The following ATXN2 variants were observed in gnomAD, a reference collection of about 807,000 sequenced individuals.
The protein encoded by ATXN2 is ataxin 2.
In ATXN2, 37 loss-of-function variants were observed where a neutral mutation model predicts 138.6. The observed-to-expected ratio is 0.27, with a 90% CI of 0.21 to 0.35. The LOEUF (loss-of-function observed/expected upper bound fraction) is 0.35. Among genes scored for constraint, ATXN2 ranks in the 10% least tolerant of loss-of-function variants. ATXN2 has a pLI of 1.00. For synonymous variants in ATXN2, 549 were observed against 543.7 expected (o/e 1.01, Z -0.13); for missense variants, 1,216 against 1,480.3 (o/e 0.82, Z 2.93).
At chr12:111,475,487 C>CTTTT (rs538338911) in intron 18 of ATXN2, among the ~76,000 whole-genome samples, 1 of 118,648 alleles carries the variant, frequency 8.4e-6, no homozygotes, top group African/African-American at 3.1e-5. Context: ...TTTTCTGTTT[C>CTTTT]TTTTTTTTTT....
chr12:111,568,925 T>C (rs1883168251), intron 1 of ATXN2, among the ~76,000 whole-genome samples: 1 of 152,176 alleles, frequency 6.6e-6, no homozygotes, highest in South Asian at 2.1e-4. Flanking sequence ...CCCTAAAAAG[T>C]TGAGTCAAAT....
intron 1 of ATXN2, among the ~76,000 whole-genome samples, chr12:111,582,021 T>C (rs973436149): frequency 2.0e-5 from 3 of 151,816 alleles, no homozygotes; most frequent in Non-Finnish European, 2.9e-5. Flanking sequence ...ACATCTACTA[T>C]GTGCCAAGAA....
At chr12:111,503,606 C>CT (rs762044760) in intron 14 of ATXN2, among the ~76,000 whole-genome samples, 17 of 149,602 alleles carry the variant, frequency 1.1e-4, no homozygotes, top group African/African-American at 3.2e-4. Flanking sequence ...TTTCCACTCT[C>CT]TTTTTTTTTC....
intron 1 of ATXN2, among the ~76,000 whole-genome samples, chr12:111,564,121 A>G (rs1158398934): frequency 2.0e-5 from 3 of 152,216 alleles, no homozygotes; most frequent in Non-Finnish European, 2.9e-5. Context: ...CCAAAGGCAC[A>G]TTGTGTGGCC....
rs114135116 is a variant in ATXN2 at position 111,467,354 on chromosome 12, G to A, written c.2843-2639C>T. 3.5e-3 allele frequency among the ~76,000 whole-genome samples: 407 copies of A among 117,178 alleles called. 2 individuals carry two copies. Among genetic ancestry groups the A allele is most frequent in the Middle Eastern group, 0.029 (4 of 138 alleles). The allele number at this position is 117,178 out of a possible 152,430, so 76.9% of individuals were successfully genotyped here. A position where few individuals can be genotyped will look rare whatever the true frequency, so the allele number is the denominator to read the frequency against. On this transcript the variant is annotated intron_variant, in intron 20 of 24. Transcript: ENST00000673436. ...TTTTTTTTGGTAGAGATGGGATCTCGCCATCTTGCCTAGACTGGTCTTGAA... is the reference window on the plus strand; with the variant it reads ...TTTTTTTTGGTAGAGATGGGATCTCACCATCTTGCCTAGACTGGTCTTGAA...
chr12:111,593,254 C>CG (rs1238766219), intron 1 of ATXN2, among the ~76,000 whole-genome samples: 2 of 151,722 alleles, frequency 1.3e-5, no homozygotes, highest in African/African-American at 4.8e-5. Context: ...CCACCATGCC[C>CG]GGCTAATTTT....
Position 111,598,969 on chromosome 12 carries a change from C to CTGCTGTTGCTGCTGCTGCTGT in ATXN2, c.65_66insACAGCAGCAGCAGCAACAGCA (p.Gln22_Gln28dup). ...GCGGCGGCTGCTGCTGCTGCTGCTG[C>CTGCTGTTGCTGCTGCTGCTGT]TGCTGCTGTTGCTGCTGCTGCTGCT... On this transcript the variant is annotated inframe_insertion, in exon 1 of 25. Coordinates refer to ENST00000673436, the MANE Select transcript of ATXN2 (RefSeq NM_001372574.1). This position sits in a 1 kb window ranked among gnomAD's most constrained non-coding sequence, Gnocchi z 4.5. The CTGCTGTTGCTGCTGCTGCTGT allele has an allele frequency of 6.7e-7, 1 of 1,500,888 alleles. No individual in the cohort carries two copies. Among genetic ancestry groups the CTGCTGTTGCTGCTGCTGCTGT allele is most frequent in the Non-Finnish European group, 8.9e-7 (1 of 1,128,068 alleles). The allele number at this position is 1,500,888 out of a possible 1,614,324, so 93.0% of individuals were successfully genotyped here.
At position 111,480,705 on chromosome 12, in the gene ATXN2, CTT is replaced by C. The variant is rs1877168631; in HGVS notation, c.2524+4558_2524+4559del. On this transcript the variant is annotated intron_variant, in intron 18 of 24. Transcript: ENST00000673436. ...AAACAATTTAAGAGGAAAGAATAGTCTTTTCAACAAATGAGGTGGGGACAACG... is the reference window on the plus strand; with the variant it reads ...AAACAATTTAAGAGGAAAGAATAGTCTTCAACAAATGAGGTGGGGACAACG... Among the ~76,000 whole-genome samples, 4 of 152,226 alleles carry C rather than the reference CTT, an allele frequency of 2.6e-5. No homozygotes were observed. The South Asian group carries it at 8.3e-4, about 32-fold the overall frequency.
At chr12:111,463,004 A>ATG (rs1555229574) in intron 21 of ATXN2, among the ~76,000 whole-genome samples, 91 of 151,508 alleles carry the variant, frequency 6.0e-4, no homozygotes, top group African/African-American at 2.2e-3. Context: ...ACACACACAT[A>ATG]TATGTATGTA....
At chr12:111,542,239 T>TTTTG (rs2135771917) in intron 5 of ATXN2, among the ~76,000 whole-genome samples, 1 of 152,138 alleles carries the variant, frequency 6.6e-6, no homozygotes, top group South Asian at 2.1e-4. Context: ...CTATGCTTAT[T>TTTTG]TTTGTTTTTG....
At position 111,513,478 on chromosome 12, in the gene ATXN2, C is replaced by G. The variant is rs1459503473; in HGVS notation, c.1437G>C (p.Gly479=). ...RHPRNHRVSA[G]RGSISSGLEF... is the part of the protein sequence containing the mutation. The stretch of plus-strand genomic sequence containing the variant: ...CTAGGCCACTGGATATGGAACCCCT[C>G]CCAGCAGAAACTCTGTGATTTCGAG... Residue 479 remains glycine, a synonymous_variant, in exon 11 of 25, where the codon GGG becomes GGC. Coordinates refer to ENST00000673436, the MANE Select transcript of ATXN2 (RefSeq NM_001372574.1). 2 of 1,614,020 alleles carry G rather than the reference C, an allele frequency of 1.2e-6. No homozygotes were observed. The highest frequency in any genetic ancestry group is 1.7e-6 in the Non-Finnish European group (2 of 1,180,014).
chr12:111,523,330 T>C (rs1171503590), intron 6 of ATXN2, among the ~76,000 whole-genome samples: 2 of 152,178 alleles, frequency 1.3e-5, no homozygotes, highest in Non-Finnish European at 2.9e-5. Context: ...CACCATTCTT[T>C]TTGGGAGATA....
chr12:111,502,656 C>T lies in ATXN2; in HGVS notation c.1935+6893G>A, dbSNP rs981455270. Among the ~76,000 whole-genome samples the T allele has an allele frequency of 3.9e-5, 6 of 152,210 alleles. No homozygotes were observed. The South Asian group carries it at 6.2e-4, about 16-fold the overall frequency. ...ATGTCGGCCAGGCTGGTCTGGAACTCCTGACCTCAGCTGATCCATCCACCT... is the reference window on the plus strand; with the variant it reads ...ATGTCGGCCAGGCTGGTCTGGAACTTCTGACCTCAGCTGATCCATCCACCT... On this transcript the variant is annotated intron_variant, in intron 14 of 24. Transcript: ENST00000673436.
At chr12:111,574,528 AG>A (rs1883527517) in intron 1 of ATXN2, among the ~76,000 whole-genome samples, 1 of 151,848 alleles carries the variant, frequency 6.6e-6, no homozygotes, top group African/African-American at 2.4e-5. Context: ...CCTGGGTTTA[AG>A]TGACCCTCCT....
chr12:111,467,728 C>T (rs1876123692), intron 20 of ATXN2, among the ~76,000 whole-genome samples: 3 of 152,312 alleles, frequency 2.0e-5, no homozygotes, highest in African/African-American at 4.8e-5. Flanking sequence ...TTTGCCCACA[C>T]ATAAATGGAC....
Position 111,525,217 on chromosome 12 carries a change from T to C in ATXN2, c.671A>G (p.Glu224Gly). ...WDAGELTANEELEALENDVSN... is the reference protein window; with the variant it reads ...WDAGELTANEGLEALENDVSN... ...TACGTCATTTTCCAAAGCCTCAAGT[T>C]CCTCATTGGCTGTGAGTTCACCTGC... Residue 224 changes from glutamate to glycine, a missense_variant, in exon 6 of 25, where the codon GAA (glutamate) becomes GGA (glycine). By Grantham distance (98) the Glu-to-Gly change is moderately conservative. Around this residue, in one of 4 missense-constraint regions of ATXN2, gnomAD observed 401 missense variants for 528.1 expected, o/e 0.76. Transcript: ENST00000673436. 1 of 1,613,352 alleles carries C rather than the reference T, an allele frequency of 6.2e-7. No individual in the cohort carries two copies. Among genetic ancestry groups the C allele is most frequent in the Non-Finnish European group, 8.5e-7 (1 of 1,179,866 alleles).
At chr12:111,459,439 T>C (rs1444192125) in intron 21 of ATXN2, among the ~76,000 whole-genome samples, 1 of 152,202 alleles carries the variant, frequency 6.6e-6, no homozygotes, top group East Asian at 1.9e-4. Context: ...ATTTTAAAAA[T>C]GTATTTATTT....
chr12:111,585,822 A>C lies in ATXN2; in HGVS notation c.251+12962T>G, dbSNP rs891176869. On this transcript the variant is annotated intron_variant, in intron 1 of 24. Coordinates refer to ENST00000673436, the MANE Select transcript of ATXN2 (RefSeq NM_001372574.1). ...ATCTCAAAAAAAAAAAAAAAAAAAA[A>C]AAAAAAAACCTCCCAGAATGGTATA... Among the ~76,000 whole-genome samples, 100 of 143,422 alleles carry C rather than the reference A, an allele frequency of 7.0e-4. 2 individuals carry two copies. Among genetic ancestry groups the C allele is most frequent in the Non-Finnish European group, 3.0e-5 (2 of 67,706 alleles). 94.1% of individuals were successfully genotyped at this position (143,422 alleles called of 152,430 possible). A position where few individuals can be genotyped will look rare whatever the true frequency, so the allele number is the denominator to read the frequency against.
At chr12:111,591,468 G>A (rs1034094972) in intron 1 of ATXN2, among the ~76,000 whole-genome samples, 1 of 152,022 alleles carries the variant, frequency 6.6e-6, no homozygotes, top group South Asian at 2.1e-4. Context: ...CCAGGAGTTT[G>A]AGACCAATCT....
Sources: allele counts gnomAD v4.1 joint callset (sites outside exome capture counted in the v4.1 genomes callset), GRCh38; gene constraint gnomAD v4.1.1; regional missense constraint gnomAD v4.1.1; non-coding constraint Gnocchi (gnomAD v3.1); transcripts MANE v1.5; gene names NCBI Gene and HGNC (gene_info 2026-07-23, HGNC 2026-07-21).